TMPRSS11D: variants seen among roughly 807,000 people sequenced by gnomAD.
The protein encoded by TMPRSS11D is transmembrane protease serine 11D.
In TMPRSS11D, 32 loss-of-function variants were observed where a neutral mutation model predicts 44.4. The observed-to-expected ratio is 0.72, with a 90% CI of 0.54 to 0.97. TMPRSS11D has a LOEUF of 0.97. Ranked by LOEUF, TMPRSS11D falls within the 50% of genes least tolerant of loss-of-function variation. The pLI, the probability that TMPRSS11D is intolerant of heterozygous loss-of-function variation, is 0.00. For missense variants in TMPRSS11D, 446 were observed against 502.6 expected (o/e 0.89, Z 1.08); for synonymous variants, 179 against 177.9 (o/e 1.01, Z -0.05).
intron 5 of TMPRSS11D, among the ~76,000 whole-genome samples, chr4:67,835,478 A>G (rs1487121858): frequency 6.6e-6 from 1 of 152,168 alleles, no homozygotes; most frequent in Non-Finnish European, 1.5e-5. Flanking sequence ...TGTGATAAAT[A>G]CTATAGGGGA....
intron 1 of TMPRSS11D, among the ~76,000 whole-genome samples, chr4:67,875,848 A>C (rs931669304): frequency 1.3e-5 from 2 of 152,346 alleles, no homozygotes; most frequent in East Asian, 1.9e-4. Flanking sequence ...AATGAAAGCA[A>C]GCACTGACTG....
chr4:67,838,412 C>G (rs1718154231), intron 4 of TMPRSS11D, 83 bp from the exon 5 acceptor site: 7 of 1,279,424 alleles, frequency 5.5e-6, no homozygotes, highest in Non-Finnish European at 7.3e-6. Context: ...TTGATTAAAC[C>G]CTTTTAAAGA....
intron 2 of TMPRSS11D, among the ~76,000 whole-genome samples, chr4:67,857,974 C>T (rs1048326234): frequency 1.2e-4 from 18 of 151,984 alleles, no homozygotes; most frequent in African/African-American, 4.4e-4. Flanking sequence ...ACATGTATTC[C>T]AGAAATATGT....
chr4:67,874,176 G>A (rs1224874511), intron 1 of TMPRSS11D, among the ~76,000 whole-genome samples: 1 of 152,106 alleles, frequency 6.6e-6, no homozygotes, highest in Non-Finnish European at 1.5e-5. Flanking sequence ...TAGTCTAGGT[G>A]TGTAATAGGT....
chr4:67,857,220 G>A (rs1393256381), intron 2 of TMPRSS11D, among the ~76,000 whole-genome samples: 1 of 150,170 alleles, frequency 6.7e-6, no homozygotes, highest in Non-Finnish European at 1.5e-5. Context: ...TAGCCAAGAT[G>A]TGGAATCAAC....
intron 1 of TMPRSS11D, among the ~76,000 whole-genome samples, chr4:67,881,029 C>T (rs558179955): frequency 5.3e-5 from 8 of 152,276 alleles, no homozygotes; most frequent in African/African-American, 1.9e-4. Flanking sequence ...TTTTGTTTTA[C>T]ATGTCATGAG....
intron 5 of TMPRSS11D, among the ~76,000 whole-genome samples, chr4:67,837,867 G>T (rs576088803): frequency 6.6e-6 from 1 of 152,098 alleles, no homozygotes; most frequent in Non-Finnish European, 1.5e-5. Flanking sequence ...GAGCATCTAT[G>T]TACCCCTCCT....
intron 2 of TMPRSS11D, among the ~76,000 whole-genome samples, chr4:67,856,481 C>T (rs114790309): frequency 0.034 from 5,128 of 152,132 alleles, 119 homozygotes; most frequent in Non-Finnish European, 0.054. Context: ...CAAATCAACC[C>T]AAGATGTATT....
chr4:67,881,591 T>G (rs980245403), intron 1 of TMPRSS11D, among the ~76,000 whole-genome samples: 4 of 152,196 alleles, frequency 2.6e-5, no homozygotes, highest in African/African-American at 9.7e-5. Context: ...GATTTACAAT[T>G]TTAAGCATGT....
At chr4:67,837,424 A>G (rs1468098069) in intron 5 of TMPRSS11D, among the ~76,000 whole-genome samples, 1 of 152,154 alleles carries the variant, frequency 6.6e-6, no homozygotes, top group Non-Finnish European at 1.5e-5. Context: ...ATTGTTTACC[A>G]ACAAATAGGA....
Position 67,843,231 on chromosome 4 carries a change from G to A in TMPRSS11D, c.250-606C>T, listed in dbSNP as rs566167385. Reference sequence around the variant, plus strand: ...TGAGTCTCACTATGTTGTCCAGGCTGGCCTCTAACTGTTGTGCTTAAGAAT... The same window carrying A: ...TGAGTCTCACTATGTTGTCCAGGCTAGCCTCTAACTGTTGTGCTTAAGAAT... On this transcript the variant is annotated intron_variant, in intron 3 of 9. Coordinates refer to ENST00000283916, the MANE Select transcript of TMPRSS11D (RefSeq NM_004262.3). Among the ~76,000 whole-genome samples the A allele has an allele frequency of 2.0e-5, 3 of 150,968 alleles. No individual in the cohort carries two copies. In the East Asian group the frequency reaches 5.9e-4, roughly 30 times the overall value.
intron 6 of TMPRSS11D, among the ~76,000 whole-genome samples, chr4:67,834,778 TA>T (rs1331954080): frequency 6.6e-6 from 1 of 152,162 alleles, no homozygotes; most frequent in Admixed American, 6.6e-5. Context: ...AATGCCACCT[TA>T]GAACCAGGGC....
Position 67,827,356 on chromosome 4 carries a change from T to G in TMPRSS11D, c.857A>C (p.Lys286Thr), listed in dbSNP as rs867980001. Residue 286 changes from lysine (K) to threonine (T), a missense_variant, in exon 8 of 10, where the codon AAA (lysine) becomes ACA (threonine). Transcript: ENST00000283916. ...TGGGAGACACACACTATGGATATCT[T>G]TGGTAAAGGTGACACTGTTCTCAAG... ...VRLENSVTFT[K>T]DIHSVCLPAA... 6.2e-7 allele frequency: 1 copy of G among 1,613,344 alleles called. No individual in the cohort carries two copies. The highest frequency in any genetic ancestry group is 1.7e-5 in the Admixed American group (1 of 59,874).
chr4:67,859,611 CT>C lies in TMPRSS11D; in HGVS notation c.75del (p.Val27Ter). 6.2e-7 allele frequency: 1 copy of C among 1,613,244 alleles called. No individual in the cohort carries two copies. The highest frequency in any genetic ancestry group is 1.1e-5 in the South Asian group (1 of 91,054). ...NPYVVCFIVV[A>X]GVVILAVTIA... is the part of the protein sequence containing the mutation. ...ATGGTGACTGCCAGGATCACTACCC[CT>C]GCGACGACAATGAAACATACTACAT... On this transcript the variant is annotated frameshift_variant, in exon 2 of 10. Coordinates refer to ENST00000283916, the MANE Select transcript of TMPRSS11D (RefSeq NM_004262.3). LOFTEE classifies it high-confidence loss of function.
At chr4:67,862,090 C>G (rs1718804817) in intron 1 of TMPRSS11D, among the ~76,000 whole-genome samples, 1 of 151,920 alleles carries the variant, frequency 6.6e-6, no homozygotes, top group Non-Finnish European at 1.5e-5. Flanking sequence ...CTATTGTGAC[C>G]CATTTACCCA....
intron 1 of TMPRSS11D, among the ~76,000 whole-genome samples, chr4:67,878,050 A>G (rs1719236592): frequency 6.6e-6 from 1 of 152,198 alleles, no homozygotes; most frequent in South Asian, 2.1e-4. Context: ...AAAAATTCTA[A>G]TGTAGTAACA....
chr4:67,823,452 A>G (rs1026662871), intron 9 of TMPRSS11D, among the ~76,000 whole-genome samples: 7 of 152,174 alleles, frequency 4.6e-5, no homozygotes, highest in African/African-American at 7.2e-5. Context: ...TCCACTTACC[A>G]GCTATGTGAC....
At chr4:67,883,777 A>G in intron 1 of TMPRSS11D, 149 bp downstream of exon 1, 1 of 539,812 alleles carries the variant, frequency 1.9e-6, no homozygotes, top group South Asian at 3.4e-5. Context: ...TATTATCTAA[A>G]CAATATCTAA....
intron 7 of TMPRSS11D, among the ~76,000 whole-genome samples, chr4:67,832,310 G>T (rs1204126898): frequency 6.6e-6 from 1 of 152,070 alleles, no homozygotes; most frequent in Admixed American, 6.6e-5. Flanking sequence ...ATTTTTCTGG[G>T]TGAACTTTTT....
Sources: gnomAD v4.1 joint callset for allele counts (sites outside exome capture counted in the v4.1 genomes callset) on GRCh38, gnomAD v4.1.1 for gene constraint, MANE v1.5 for transcripts, NCBI Gene and HGNC (gene_info 2026-07-23, HGNC 2026-07-21) for gene names.